SRD5A2: variants seen among roughly 807,000 people sequenced by gnomAD.
The protein encoded by SRD5A2 is steroid 5 alpha-reductase 2, also known as 3-oxo-5-alpha-steroid 4-dehydrogenase 2.
A neutral mutation model predicts 27.4 loss-of-function variants in SRD5A2; 30 were observed. That is an observed-to-expected ratio of 1.10 (90% confidence interval 0.82 to 1.49). The LOEUF is 1.49. Ranked by LOEUF, SRD5A2 falls within the 40% of genes most tolerant of loss-of-function variation. The pLI, the probability that SRD5A2 is intolerant of heterozygous loss-of-function variation, is 0.00. For missense variants in SRD5A2, 348 were observed against 323.4 expected (o/e 1.08, Z -0.58); for synonymous variants, 141 against 133.6 (o/e 1.06, Z -0.38).
chr2:31,617,738 G>A, the SRD5A2 span, among the ~76,000 whole-genome samples: 9 of 152,310 alleles, frequency 5.9e-5, no homozygotes, highest in East Asian at 1.7e-3. Context: ...TTCCCAACAA[G>A]CTCCTCATCT....
the SRD5A2 span, among the ~76,000 whole-genome samples, chr2:31,613,111 T>C: frequency 6.6e-6 from 1 of 152,176 alleles, no homozygotes; most frequent in Non-Finnish European, 1.5e-5. Context: ...AGCTGGTTAA[T>C]GACTTCTTGG....
chr2:31,588,650 G>A, the SRD5A2 span, among the ~76,000 whole-genome samples: 1 of 152,052 alleles, frequency 6.6e-6, no homozygotes, highest in African/African-American at 2.4e-5. Context: ...AAAAAGAAAA[G>A]GACATTAATG....
chr2:31,526,197 T>A lies in SRD5A2; in HGVS notation c.764A>T (p.Ter255LeuextTer28). 6.3e-7 allele frequency: 1 copy of A among 1,577,694 alleles called. No individual in the cohort carries two copies. The highest frequency in any genetic ancestry group is 8.6e-7 in the Non-Finnish European group (1 of 1,158,452). Residue 255 changes from the stop codon to leucine (L), a stop_lost, in exon 5 of 5, where the codon TAA (stop) becomes TTA (leucine). Transcript: ENST00000622030. ...CTGCTCCTTTTTAATTTGGTTCCTT[T>A]AAAAGATGAATGGAATAAGGGCTTT... Reference protein sequence around the residue: ...SRKALIPFIF* With the variant: ...SRKALIPFIFL
rs565801983 is a variant in SRD5A2 at position 31,536,752 on chromosome 2, T to G, written c.282-2986A>C. On this transcript the variant is annotated intron_variant, in intron 1 of 4. Transcript: ENST00000622030. ...ATGACAGAAGCGGGAGAGAGTCTAT[T>G]AGCCCAAGAGGCTGGCAATTGGTGC... Among the ~76,000 whole-genome samples, 5 of 152,352 alleles carry G rather than the reference T, an allele frequency of 3.3e-5. No individual in the cohort carries two copies. In the South Asian group the frequency reaches 8.3e-4, roughly 25 times the overall value.
At chr2:31,557,579 G>A (rs1018546461) in intron 1 of SRD5A2, among the ~76,000 whole-genome samples, 1 of 152,060 alleles carries the variant, frequency 6.6e-6, no homozygotes, top group African/African-American at 2.4e-5. Context: ...TTTAATTTTG[G>A]TATTGAGGGA....
At chr2:31,630,297 C>G in the SRD5A2 span, among the ~76,000 whole-genome samples, 4 of 150,018 alleles carry the variant, frequency 2.7e-5, no homozygotes, top group African/African-American at 7.4e-5. Flanking sequence ...AGGGAAGATA[C>G]AGAGAGAGAG....
At chr2:31,574,067 T>C (rs1224423099) in intron 1 of SRD5A2, among the ~76,000 whole-genome samples, 1 of 152,198 alleles carries the variant, frequency 6.6e-6, no homozygotes, top group Non-Finnish European at 1.5e-5. Context: ...TAGGGCCCTC[T>C]CAGATGAATG....
At chr2:31,601,576 A>C in the SRD5A2 span, among the ~76,000 whole-genome samples, 1 of 152,066 alleles carries the variant, frequency 6.6e-6, no homozygotes, top group Non-Finnish European at 1.5e-5. Flanking sequence ...TGAGGCCAAC[A>C]TCATTCTGAT....
rs951921918 is a variant in SRD5A2 at position 31,524,708 on chromosome 2, T to G, written c.*1488A>C. The G allele has an allele frequency of 8.7e-6, 2 of 230,920 alleles. No homozygotes were observed. The highest frequency in any genetic ancestry group is 2.2e-5 in the African/African-American group (1 of 45,240). The allele number at this position is 230,920 out of a possible 1,614,324, so 14.3% of individuals were successfully genotyped here. A position where few individuals can be genotyped will look rare whatever the true frequency, so the allele number is the denominator to read the frequency against. On this transcript the variant is annotated 3_prime_UTR_variant, in exon 5 of 5. Coordinates refer to ENST00000622030, the MANE Select transcript of SRD5A2 (RefSeq NM_000348.4). ...TTTCCTATGTGACTTATATAGTGAG[T>G]TTCTGTGCTTAGTACCACTGGTGCT...
At position 31,524,589 on chromosome 2, in the gene SRD5A2, G is replaced by T; in HGVS notation, c.*1607C>A. The T allele has an allele frequency of 4.4e-6, 1 of 229,562 alleles. No individual in the cohort carries two copies. The highest frequency in any genetic ancestry group is 6.2e-5 in the East Asian group (1 of 16,078). The allele number at this position is 229,562 out of a possible 1,614,324, so 14.2% of individuals were successfully genotyped here. ...TCAAACAAAACTGCTTAACATCCAT[G>T]ATTTAAAGGTATTTAATGAACAACA... is the stretch of plus-strand genomic sequence containing the variant. On this transcript the variant is annotated 3_prime_UTR_variant, in exon 5 of 5. Transcript: ENST00000622030.
chr2:31,618,167 A>C, the SRD5A2 span, among the ~76,000 whole-genome samples: 3 of 152,120 alleles, frequency 2.0e-5, no homozygotes, highest in Non-Finnish European at 4.4e-5. Context: ...AGGAACTCCC[A>C]TTTATAAAAC....
intron 1 of SRD5A2, among the ~76,000 whole-genome samples, chr2:31,538,999 T>A (rs897738161): frequency 6.6e-6 from 1 of 152,212 alleles, no homozygotes; most frequent in Non-Finnish European, 1.5e-5. Flanking sequence ...GTGGCACACA[T>A]CATACGCATG....
At chr2:31,596,048 G>T in the SRD5A2 span, among the ~76,000 whole-genome samples, 1 of 152,130 alleles carries the variant, frequency 6.6e-6, no homozygotes, top group Non-Finnish European at 1.5e-5. Context: ...ATAGAAGAGA[G>T]ATACCTTAAG....
At chr2:31,602,827 A>C in the SRD5A2 span, among the ~76,000 whole-genome samples, 1,000 of 152,152 alleles carry the variant, frequency 6.6e-3, 15 homozygotes, top group African/African-American at 0.023. Flanking sequence ...AGGATTTCCC[A>C]TTTAGTAAAT....
At chr2:31,616,482 T>C in the SRD5A2 span, among the ~76,000 whole-genome samples, 2 of 152,176 alleles carry the variant, frequency 1.3e-5, no homozygotes, top group African/African-American at 2.4e-5. Context: ...ACCTCTTACA[T>C]CAGCATGACC....
At position 31,533,735 on chromosome 2, in the gene SRD5A2, TC is replaced by T; in HGVS notation, c.312del (p.Arg105GlyfsTer26). ...RTFVYSLLNR[G>X]RPYPAILILR... ...AGAATGAGTATAGCTGGATAAGGCC[TC>T]CCTCGATTGAGCAGTGAGTACACAA... On this transcript the variant is annotated frameshift_variant, in exon 2 of 5. Transcript: ENST00000622030. LOFTEE classifies it high-confidence loss of function. The T allele has an allele frequency of 6.2e-7, 1 of 1,603,098 alleles. No individual in the cohort carries two copies. Among genetic ancestry groups the T allele is most frequent in the Non-Finnish European group, 8.5e-7 (1 of 1,174,850 alleles).
the SRD5A2 span, among the ~76,000 whole-genome samples, chr2:31,598,557 G>T: frequency 1.3e-5 from 2 of 151,572 alleles, no homozygotes; most frequent in Non-Finnish European, 2.9e-5. Context: ...TTATTTTTTT[G>T]CTTTCTTGTT....
intron 1 of SRD5A2, among the ~76,000 whole-genome samples, chr2:31,535,273 G>A (rs1355814381): frequency 1.3e-5 from 2 of 152,152 alleles, no homozygotes; most frequent in Admixed American, 1.3e-4. Context: ...ACCTGCTTCA[G>A]CCTCCCAAAG....
intron 4 of SRD5A2, among the ~76,000 whole-genome samples, chr2:31,527,868 C>A (rs986753299): frequency 6.6e-6 from 1 of 152,200 alleles, no homozygotes; most frequent in Non-Finnish European, 1.5e-5. Flanking sequence ...TTAGTTAAAT[C>A]TTCAAAACTA....
Sources: gnomAD v4.1 joint callset for allele counts (sites outside exome capture counted in the v4.1 genomes callset) on GRCh38, gnomAD v4.1.1 for gene constraint, MANE v1.5 for transcripts, NCBI Gene and HGNC (gene_info 2026-07-23, HGNC 2026-07-21) for gene names.